Variants in LIN28B observed in about 807,000 individuals in gnomAD.
LIN28B encodes the protein protein lin-28 homolog B.
Under a neutral mutation model 21.9 loss-of-function variants are expected in LIN28B, and 5 were observed. That is an observed-to-expected ratio of 0.23 (90% CI 0.12 to 0.48). The LOEUF is 0.48. Ranked by LOEUF, LIN28B falls within the 20% of genes least tolerant of loss-of-function variation. The pLI is 0.98. For missense variants in LIN28B, 245 were observed against 310.5 expected (o/e 0.79, Z 1.58); for synonymous variants, 109 against 111.3 (o/e 0.98, Z 0.13).
At chr6:105,009,212 T>G (rs973300873) in intron 2 of LIN28B, among the ~76,000 whole-genome samples, 1 of 152,162 alleles carries the variant, frequency 6.6e-6, no homozygotes, top group African/African-American at 2.4e-5. Context: ...ATGAACCTGG[T>G]GGTACCAAGT....
chr6:105,068,116 T>C (rs1772254675), intron 3 of LIN28B, among the ~76,000 whole-genome samples: 1 of 152,196 alleles, frequency 6.6e-6, no homozygotes, highest in South Asian at 2.1e-4. Flanking sequence ...ATGAGATAGT[T>C]GATGGCATTA....
intron 2 of LIN28B, among the ~76,000 whole-genome samples, chr6:105,022,946 C>G (rs150820640): frequency 5.2e-4 from 78 of 151,110 alleles, no homozygotes; most frequent in African/African-American, 1.7e-3. Flanking sequence ...AGATAGTAAG[C>G]AAAAATAAAC....
At chr6:105,002,997 G>T (rs1195108678) in intron 2 of LIN28B, among the ~76,000 whole-genome samples, 3 of 152,160 alleles carry the variant, frequency 2.0e-5, no homozygotes, top group Non-Finnish European at 4.4e-5. Context: ...CTAACTTGTT[G>T]TAAGACTTCG....
chr6:105,002,192 A>T (rs1265887997), intron 2 of LIN28B, among the ~76,000 whole-genome samples: 12 of 141,444 alleles, frequency 8.5e-5, no homozygotes, highest in Admixed American at 7.2e-5. Flanking sequence ...TTTTTTTTAC[A>T]GGAGAAGGGT....
At chr6:105,046,285 C>T (rs375816027) in intron 3 of LIN28B, among the ~76,000 whole-genome samples, 23 of 152,080 alleles carry the variant, frequency 1.5e-4, no homozygotes, top group African/African-American at 2.7e-4. Flanking sequence ...TTTGTCCTTG[C>T]GATAGTTTGC....
intron 2 of LIN28B, among the ~76,000 whole-genome samples, chr6:105,011,491 G>A (rs561266551): frequency 2.0e-5 from 3 of 152,282 alleles, no homozygotes; most frequent in Admixed American, 6.5e-5. Flanking sequence ...TGCCTGCCCC[G>A]CAGTGTTCCT....
intron 2 of LIN28B, among the ~76,000 whole-genome samples, chr6:104,985,531 A>T (rs771696332): frequency 2.0e-5 from 3 of 152,140 alleles, no homozygotes; most frequent in Non-Finnish European, 4.4e-5. Flanking sequence ...CAGTTTTTAT[A>T]TATTTGTTCA....
chr6:104,968,086 G>A (rs569234126), intron 2 of LIN28B, among the ~76,000 whole-genome samples: 10 of 152,284 alleles, frequency 6.6e-5, no homozygotes, highest in East Asian at 1.9e-4. Context: ...TATAAAAATC[G>A]TGGTTCAGTA....
chr6:105,070,726 C>T (rs1772317976), intron 3 of LIN28B, among the ~76,000 whole-genome samples: 1 of 151,672 alleles, frequency 6.6e-6, no homozygotes, highest in African/African-American at 2.4e-5. Flanking sequence ...TGCAGTGAGC[C>T]CTTATCACGC....
At chr6:105,067,810 A>G (rs769522919) in intron 3 of LIN28B, among the ~76,000 whole-genome samples, 1 of 152,188 alleles carries the variant, frequency 6.6e-6, no homozygotes, top group African/African-American at 2.4e-5. Flanking sequence ...AATGATATAT[A>G]AAAATGTCTG....
chr6:105,028,074 A>G (rs1299140557), intron 3 of LIN28B, among the ~76,000 whole-genome samples: 1 of 152,212 alleles, frequency 6.6e-6, no homozygotes, highest in Non-Finnish European at 1.5e-5. Context: ...TTAAATACGT[A>G]CAAGTAAAGC....
intron 3 of LIN28B, among the ~76,000 whole-genome samples, chr6:105,028,645 G>A (rs991053367): frequency 1.4e-4 from 22 of 152,130 alleles, no homozygotes; most frequent in Admixed American, 9.8e-4. Context: ...TCAAGATGGG[G>A]AAACCTACAG....
intron 2 of LIN28B, chr6:104,941,209 C>G (rs1014532950): frequency 1.3e-5 from 2 of 152,240 alleles, no homozygotes; most frequent in Admixed American, 1.3e-4. Context: ...TGACAGGTCT[C>G]GCAGCAAGTT....
intron 2 of LIN28B, among the ~76,000 whole-genome samples, chr6:104,968,752 C>T (rs1769914660): frequency 6.6e-6 from 1 of 152,044 alleles, no homozygotes; most frequent in Non-Finnish European, 1.5e-5. Flanking sequence ...ATAGAATGTT[C>T]CCAGATCCTA....
chr6:104,974,554 C>T (rs938756243), intron 2 of LIN28B, among the ~76,000 whole-genome samples: 4 of 150,706 alleles, frequency 2.7e-5, no homozygotes, highest in African/African-American at 7.3e-5. Context: ...CTCTATAAAC[C>T]GTAGTGTAAA....
At chr6:105,053,154 A>T (rs1771943179) in intron 3 of LIN28B, among the ~76,000 whole-genome samples, 1 of 152,054 alleles carries the variant, frequency 6.6e-6, no homozygotes. Context: ...GAATTTCTAT[A>T]TGTCTTATTT....
rs1772504497 is a variant in LIN28B at position 105,079,712 on chromosome 6, C to G, written c.*929C>G. 1 of 152,344 alleles carries G rather than the reference C, an allele frequency of 6.6e-6. No individual in the cohort carries two copies. Among genetic ancestry groups the G allele is most frequent in the African/African-American group, 2.4e-5 (1 of 41,430 alleles). 9.4% of individuals were successfully genotyped at this position (152,344 alleles called of 1,614,324 possible). ...TTCCCTTGGCTAACTCAATCTTCTA[C>G]CCATTGCTTAGAGCAGGGAGCCCTC... is the stretch of plus-strand genomic sequence containing the variant. On this transcript the variant is annotated 3_prime_UTR_variant, in exon 4 of 4. Transcript: ENST00000345080.
intron 2 of LIN28B, among the ~76,000 whole-genome samples, chr6:104,983,327 T>C (rs888715365): frequency 6.6e-6 from 1 of 151,688 alleles, no homozygotes; most frequent in Non-Finnish European, 1.5e-5. Flanking sequence ...GTAGGGAAGC[T>C]GAAATTTGGT....
chr6:104,975,102 G>C (rs1450907417), intron 2 of LIN28B, among the ~76,000 whole-genome samples: 1 of 152,100 alleles, frequency 6.6e-6, no homozygotes, highest in African/African-American at 2.4e-5. Flanking sequence ...TTACAGGCGT[G>C]AGCCACCGCG....
Sources: gnomAD v4.1 joint callset for allele counts (sites outside exome capture counted in the v4.1 genomes callset) on GRCh38, gnomAD v4.1.1 for gene constraint, MANE v1.5 for transcripts, NCBI Gene and HGNC (gene_info 2026-07-23, HGNC 2026-07-21) for gene names.